Variants in ANK1 observed in about 807,000 individuals in gnomAD.
ANK1 encodes the protein ankyrin 1.
ANK1 carries 51 observed loss-of-function variants against 210.4 expected under a neutral mutation model. That is an observed-to-expected ratio of 0.24 (90% CI 0.19 to 0.31). The LOEUF is 0.31. Among genes scored for constraint, ANK1 ranks in the 10% least tolerant of loss-of-function variants. The probability of loss-of-function intolerance (pLI) is 1.00; values close to 1 mark genes in which losing one functional copy is unlikely to be tolerated. For synonymous variants in ANK1, 967 were observed against 1,025.9 expected (o/e 0.94, Z 1.10); for missense variants, 2,051 against 2,504.4 (o/e 0.82, Z 3.86).
At chr8:41,758,686 G>A (rs1043620276) in intron 1 of ANK1, among the ~76,000 whole-genome samples, 1 of 151,928 alleles carries the variant, frequency 6.6e-6, no homozygotes, top group African/African-American at 2.4e-5. Context: ...CTTGGACTCA[G>A]GAAGAATCAG....
intron 16 of ANK1, 140 bp downstream of exon 16, chr8:41,714,016 G>C: frequency 1.9e-6 from 1 of 523,998 alleles, no homozygotes; most frequent in Non-Finnish European, 3.0e-6. Flanking sequence ...ATGTGGGAAA[G>C]TGAGGCGTGA....
chr8:41,763,930 T>C (rs556813747), intron 1 of ANK1, among the ~76,000 whole-genome samples: 8 of 118,500 alleles, frequency 6.8e-5, no homozygotes, highest in African/African-American at 2.6e-4. Context: ...TCTCCAGGCA[T>C]AGAGTAGTCA....
At chr8:41,697,391 C>T (rs1035023204) in intron 24 of ANK1, among the ~76,000 whole-genome samples, 2 of 152,236 alleles carry the variant, frequency 1.3e-5, no homozygotes, top group East Asian at 1.9e-4. Context: ...TAGATCTTCA[C>T]ATTTGCTTTT....
At chr8:41,661,342 G>C in intron 42 of ANK1, 88 bp downstream of exon 42, 1 of 1,544,220 alleles carries the variant, frequency 6.5e-7, no homozygotes, top group Non-Finnish European at 8.8e-7. Flanking sequence ...ATCATGCTGG[G>C]GTGGCTGGGA....
chr8:41,691,789 C>T (rs576888241), intron 31 of ANK1, among the ~76,000 whole-genome samples: 1 of 152,268 alleles, frequency 6.6e-6, no homozygotes, highest in East Asian at 1.9e-4. Flanking sequence ...TTTCTTAATA[C>T]ACAAATAAGG....
chr8:41,661,241 A>C, intron 42 of ANK1, 189 bp downstream of exon 42: 1 of 816,028 alleles, frequency 1.2e-6, no homozygotes, highest in Admixed American at 2.4e-5. Context: ...TGTTTCCTTG[A>C]TGAGGAAGCT....
At chr8:41,847,393 C>A (rs867104057) in intron 1 of ANK1, among the ~76,000 whole-genome samples, 1 of 152,220 alleles carries the variant, frequency 6.6e-6, no homozygotes, top group South Asian at 2.1e-4. Flanking sequence ...TGGCCAGAAT[C>A]AGTCACATGA....
intron 42 of ANK1, chr8:41,660,509 C>T: frequency 2.1e-6 from 1 of 466,804 alleles, no homozygotes; most frequent in Non-Finnish European, 4.4e-6. Flanking sequence ...TACAGGATGC[C>T]CCAGGGAGGA....
At chr8:41,785,722 G>A (rs1325626777) in intron 1 of ANK1, among the ~76,000 whole-genome samples, 2 of 152,242 alleles carry the variant, frequency 1.3e-5, no homozygotes, top group Non-Finnish European at 2.9e-5. Flanking sequence ...TCCCGCAGGA[G>A]TTGCCGAATT....
chr8:41,856,685 T>C (rs533166393), intron 1 of ANK1, among the ~76,000 whole-genome samples: 5 of 152,276 alleles, frequency 3.3e-5, no homozygotes, highest in Admixed American at 1.3e-4. Flanking sequence ...AAAAACAATG[T>C]TCATTGGAGC....
At chr8:41,782,685 A>G (rs1845589475) in intron 1 of ANK1, among the ~76,000 whole-genome samples, 1 of 152,222 alleles carries the variant, frequency 6.6e-6, no homozygotes, top group South Asian at 2.1e-4. Context: ...ATTTGAATCA[A>G]AATATATCAC....
chr8:41,684,374 G>T, intron 37 of ANK1, 170 bp downstream of exon 37: 1 of 1,107,582 alleles, frequency 9.0e-7, no homozygotes, highest in Non-Finnish European at 1.3e-6. Flanking sequence ...TCTCTCCTTC[G>T]CCTCTGCTTC....
chr8:41,894,351 G>T (rs562928655), intron 1 of ANK1, among the ~76,000 whole-genome samples: 7 of 151,898 alleles, frequency 4.6e-5, no homozygotes, highest in Non-Finnish European at 1.0e-4. Context: ...ACACCATTTG[G>T]GGGGAGGAAT....
At chr8:41,762,369 G>GT (rs140373398) in intron 1 of ANK1, among the ~76,000 whole-genome samples, 1,760 of 148,116 alleles carry the variant, frequency 0.012, 45 homozygotes, top group African/African-American at 0.041. Context: ...ACAGGAGCTT[G>GT]TTTTTTTTTT....
chr8:41,678,889 T>C (rs1385944460), intron 37 of ANK1, among the ~76,000 whole-genome samples: 2 of 152,190 alleles, frequency 1.3e-5, no homozygotes, highest in East Asian at 1.9e-4. Context: ...GTTCAAGTGA[T>C]TGTCCTGCCT....
rs79225396 is a variant in ANK1 at position 41,852,569 on chromosome 8, C to T, written c.126+43786G>A. ...GAGGGGCTCTGCACCCAAAGACCTC[C>T]GGCCCCCTCACTAAATATGGCTACC... On this transcript the variant is annotated intron_variant, in intron 1 of 42. Coordinates refer to the ANK1 transcript ENST00000265709. 7.3e-3 allele frequency among the ~76,000 whole-genome samples: 1,117 copies of T among 152,322 alleles called. 17 individuals carry two copies. The highest frequency in any genetic ancestry group is 0.025 in the African/African-American group (1,037 of 41,564).
chr8:41,664,775 A>T, intron 39 of ANK1: 1 of 1,575,832 alleles, frequency 6.3e-7, no homozygotes, highest in Non-Finnish European at 8.6e-7. Context: ...CCACACCACC[A>T]GCCCTGCCGG....
chr8:41,777,040 G>T (rs1844209593), intron 1 of ANK1, among the ~76,000 whole-genome samples: 1 of 152,186 alleles, frequency 6.6e-6, no homozygotes, highest in Non-Finnish European at 1.5e-5. Flanking sequence ...TGCTCTTTCA[G>T]ATATCTTTTC....
chr8:41,874,549 T>C (rs1425996927), intron 1 of ANK1, among the ~76,000 whole-genome samples: 1 of 152,054 alleles, frequency 6.6e-6, no homozygotes, highest in Non-Finnish European at 1.5e-5. Flanking sequence ...TCTTTCAGAG[T>C]GTGTCGGAGA....
Sources: gnomAD v4.1 joint callset for allele counts (sites outside exome capture counted in the v4.1 genomes callset) on GRCh38, gnomAD v4.1.1 for gene constraint, MANE v1.5 for transcripts, NCBI Gene and HGNC (gene_info 2026-07-23, HGNC 2026-07-21) for gene names.